Variants in NRCAM observed in about 807,000 individuals in gnomAD.
NRCAM encodes NgCAM-related cell adhesion molecule.
A neutral mutation model predicts 156.5 loss-of-function variants in NRCAM; 83 were observed. That is an observed-to-expected ratio of 0.53 (90% CI 0.44 to 0.64). The LOEUF (loss-of-function observed/expected upper bound fraction) is 0.64, where lower values mean the gene tolerates loss of function less well. Among genes scored for constraint, NRCAM ranks in the 30% least tolerant of loss-of-function variants. The pLI is 0.00. For missense variants in NRCAM, 1,417 were observed against 1,597.3 expected, an observed-to-expected ratio of 0.89 and a Z score of 1.92; for synonymous variants, 538 against 563.9, an observed-to-expected ratio of 0.95 and a Z score of 0.65.
intron 3 of NRCAM, among the ~76,000 whole-genome samples, chr7:108,271,269 A>C (rs905756851): frequency 6.6e-6 from 1 of 152,304 alleles, no homozygotes; most frequent in African/African-American, 2.4e-5. Flanking sequence ...TTCCAGTAAC[A>C]GGCAAATATG....
chr7:108,420,929 T>C (rs1449376372), intron 1 of NRCAM, among the ~76,000 whole-genome samples: 2 of 152,194 alleles, frequency 1.3e-5, no homozygotes, highest in African/African-American at 4.8e-5. Flanking sequence ...TCATGAGGAA[T>C]ATCTCTTTAA....
intron 2 of NRCAM, among the ~76,000 whole-genome samples, chr7:108,375,574 G>T (rs2099671639): frequency 6.6e-6 from 1 of 152,080 alleles, no homozygotes; most frequent in East Asian, 1.9e-4. Flanking sequence ...CATAAGCACT[G>T]CCTACAGAAA....
chr7:108,187,734 G>C (rs1002501926), intron 20 of NRCAM, among the ~76,000 whole-genome samples: 1 of 152,026 alleles, frequency 6.6e-6, no homozygotes, highest in African/African-American at 2.4e-5. Flanking sequence ...GGTGGATCAC[G>C]AGGTCGGGAG....
At chr7:108,277,929 A>G (rs1051333278) in intron 3 of NRCAM, among the ~76,000 whole-genome samples, 2 of 152,048 alleles carry the variant, frequency 1.3e-5, no homozygotes, top group African/African-American at 2.4e-5. Context: ...TTTGATGTAG[A>G]TGTCCTTTTC....
At chr7:108,280,353 T>C (rs560756978) in intron 3 of NRCAM, among the ~76,000 whole-genome samples, 2 of 152,344 alleles carry the variant, frequency 1.3e-5, no homozygotes, top group South Asian at 2.1e-4. Context: ...CCAAGGACGA[T>C]TGCCAATGCA....
At position 108,167,037 on chromosome 7, in the gene NRCAM, G is replaced by T. The variant is rs200800851; in HGVS notation, c.3350C>A (p.Ser1117Tyr). 6.2e-7 allele frequency: 1 copy of T among 1,613,684 alleles called. No individual in the cohort carries two copies. Among genetic ancestry groups the T allele is most frequent in the Non-Finnish European group, 8.5e-7 (1 of 1,179,806 alleles). The change falls in exon 30 of 33, where the codon TCT becomes TAT. Residue 1117 changes from serine to tyrosine, a missense_variant. Physicochemically the swap from Ser to Tyr is moderately radical, Grantham distance 144 (BLOSUM62 -2). Coordinates refer to ENST00000379028, the MANE Select transcript of NRCAM (RefSeq NM_001037132.4). ...ACCCTTTAACCCAAAGAAGCTCCGA[G>T]AACCATTTACAATTTCTTTTCTCCA... ...EEWRKEIVNG[S>Y]RSFFGLKGLM...
intron 1 of NRCAM, among the ~76,000 whole-genome samples, chr7:108,434,185 C>G (rs1453605923): frequency 1.3e-5 from 2 of 152,160 alleles, no homozygotes; most frequent in African/African-American, 4.8e-5. Flanking sequence ...CCACAACCCC[C>G]ATCCCCGGCT....
At chr7:108,409,542 C>T (rs770944528) in intron 1 of NRCAM, among the ~76,000 whole-genome samples, 1 of 152,144 alleles carries the variant, frequency 6.6e-6, no homozygotes, top group African/African-American at 2.4e-5. Flanking sequence ...TGCCATCTCG[C>T]GCATCACCCC....
intron 1 of NRCAM, among the ~76,000 whole-genome samples, chr7:108,453,840 C>A (rs1338370253): frequency 6.6e-6 from 1 of 152,110 alleles, no homozygotes; most frequent in Non-Finnish European, 1.5e-5. Context: ...CATGGAGCAT[C>A]TTCATAAATG....
At chr7:108,395,431 G>T (rs996053595) in intron 2 of NRCAM, among the ~76,000 whole-genome samples, 9 of 152,178 alleles carry the variant, frequency 5.9e-5, no homozygotes, top group Admixed American at 4.6e-4. Context: ...TCTATGATGG[G>T]ATTGAATTTG....
At chr7:108,349,666 G>T (rs2099397248) in intron 2 of NRCAM, among the ~76,000 whole-genome samples, 1 of 151,926 alleles carries the variant, frequency 6.6e-6, no homozygotes, top group South Asian at 2.1e-4. Context: ...TTATTAAAAA[G>T]AACATTATTA....
At chr7:108,338,132 C>T (rs781781940) in intron 2 of NRCAM, among the ~76,000 whole-genome samples, 2 of 152,180 alleles carry the variant, frequency 1.3e-5, no homozygotes, top group Non-Finnish European at 2.9e-5. Flanking sequence ...AGCTGTTGTC[C>T]CAAATTCCCG....
chr7:108,355,000 G>C (rs2099476795), intron 2 of NRCAM, among the ~76,000 whole-genome samples: 1 of 151,870 alleles, frequency 6.6e-6, no homozygotes, highest in Admixed American at 6.6e-5. Context: ...TATAATGAAA[G>C]ATGCGCAAAC....
intron 3 of NRCAM, among the ~76,000 whole-genome samples, chr7:108,268,740 A>T (rs1344626750): frequency 1.3e-5 from 2 of 152,044 alleles, no homozygotes; most frequent in Non-Finnish European, 2.9e-5. Flanking sequence ...GTGTTAGTGT[A>T]AATTCAGTAA....
At chr7:108,185,972 G>C (rs1278154324) in intron 20 of NRCAM, among the ~76,000 whole-genome samples, 2 of 152,194 alleles carry the variant, frequency 1.3e-5, no homozygotes, top group Non-Finnish European at 2.9e-5. Flanking sequence ...TGTGGCCAGA[G>C]GAGCTGGGAG....
At chr7:108,417,736 C>T (rs914753497) in intron 1 of NRCAM, among the ~76,000 whole-genome samples, 4 of 152,058 alleles carry the variant, frequency 2.6e-5, no homozygotes, top group Non-Finnish European at 5.9e-5. Flanking sequence ...TTTCTTTTCT[C>T]TGCTCTTCTC....
At chr7:108,390,294 G>T (rs1246759037) in intron 2 of NRCAM, among the ~76,000 whole-genome samples, 3 of 152,160 alleles carry the variant, frequency 2.0e-5, no homozygotes, top group Non-Finnish European at 4.4e-5. Context: ...GGGTACATGT[G>T]TCGGGGAATT....
At chr7:108,441,313 C>A (rs1297598031) in intron 1 of NRCAM, among the ~76,000 whole-genome samples, 1 of 152,096 alleles carries the variant, frequency 6.6e-6, no homozygotes, top group Non-Finnish European at 1.5e-5. Flanking sequence ...AAATTAGGGT[C>A]ATTTGCTTTT....
intron 26 of NRCAM, 59 bp from the exon 27 acceptor site, chr7:108,176,665 TATAA>T: frequency 7.9e-7 from 1 of 1,260,512 alleles, no homozygotes; most frequent in Non-Finnish European, 1.1e-6. Flanking sequence ...GGAATACTAT[TATAA>T]ATAAATACGT....
Sources: allele counts gnomAD v4.1 joint callset (sites outside exome capture counted in the v4.1 genomes callset), GRCh38; gene constraint gnomAD v4.1.1; transcripts MANE v1.5; gene names NCBI Gene and HGNC (gene_info 2026-07-23, HGNC 2026-07-21).